Variants in KAZN observed in about 807,000 individuals in gnomAD.
KAZN encodes kazrin.
KAZN carries 40 observed loss-of-function variants against 87.4 expected under a neutral mutation model. The observed-to-expected ratio is 0.46, with a 90% confidence interval of 0.36 to 0.60. KAZN has a LOEUF of 0.60. KAZN is among the 20% of genes least tolerant of loss of function. The pLI is 0.00. For synonymous variants in KAZN, 466 were observed against 458.3 expected (o/e 1.02, Z -0.22); for missense variants, 898 against 1,073.9 (o/e 0.84, Z 2.29).
intron 2 of KAZN, among the ~76,000 whole-genome samples, chr1:14,521,704 C>A (rs746670610): frequency 2.0e-5 from 3 of 152,124 alleles, no homozygotes; most frequent in Non-Finnish European, 4.4e-5. Context: ...CTTGGGTTGC[C>A]CTCATCCTGT....
At chr1:14,715,875 C>T (rs551747389) in intron 1 of KAZN, among the ~76,000 whole-genome samples, 49 of 152,218 alleles carry the variant, frequency 3.2e-4, no homozygotes, top group Admixed American at 2.6e-4. Context: ...GACAAGGTTC[C>T]GGGCTCTTGT....
In KAZN at chr1:15,066,054, T is replaced by C; in HGVS notation, c.1222+301T>C. 1 of 1,217,654 alleles carries C rather than the reference T, an allele frequency of 8.2e-7. No individual in the cohort carries two copies. The highest frequency in any genetic ancestry group is 3.7e-5 in the South Asian group (1 of 26,776). The allele number at this position is 1,217,654 out of a possible 1,614,324, so 75.4% of individuals were successfully genotyped here. A position where few individuals can be genotyped will look rare whatever the true frequency, so the allele number is the denominator to read the frequency against. The stretch of plus-strand genomic sequence containing the variant: ...GAACCTGTCAACTCTCTGTCGTCTT[T>C]GGAGCGATACAGTTGTGTTGTTAAT... On this transcript the variant is annotated intron_variant, in intron 8 of 14. Coordinates refer to ENST00000376030, the MANE Select transcript of KAZN (RefSeq NM_201628.3). This position sits in a 1 kb window ranked among gnomAD's most constrained non-coding sequence, Gnocchi z 4.3.
chr1:14,876,302 G>C (rs1276506164), intron 1 of KAZN, among the ~76,000 whole-genome samples: 1 of 152,168 alleles, frequency 6.6e-6, no homozygotes, highest in South Asian at 2.1e-4. Flanking sequence ...TATTACATGC[G>C]CAAATGCAGC....
intron 1 of KAZN, among the ~76,000 whole-genome samples, chr1:14,128,788 G>A (rs1644928591): frequency 6.6e-6 from 1 of 152,120 alleles, no homozygotes; most frequent in Admixed American, 6.6e-5. Context: ...TCTTTGGAGA[G>A]CTGAGACTGG....
intron 2 of KAZN, among the ~76,000 whole-genome samples, chr1:14,441,349 A>G (rs1666692431): frequency 6.6e-6 from 1 of 152,068 alleles, no homozygotes; most frequent in Admixed American, 6.6e-5. Flanking sequence ...ACTTCCCAGT[A>G]TGTTGTTCCG....
At chr1:14,540,508 T>C (rs1672745917) in intron 2 of KAZN, among the ~76,000 whole-genome samples, 1 of 152,114 alleles carries the variant, frequency 6.6e-6, no homozygotes. Flanking sequence ...AGAAAAGATA[T>C]GCCCCATCCA....
At chr1:15,065,845 G>T (rs1323846034) in intron 8 of KAZN, 92 bp downstream of exon 8, 3 of 1,573,236 alleles carry the variant, frequency 1.9e-6, no homozygotes, top group Non-Finnish European at 2.6e-6. Context: ...TGTGCGTGTG[G>T]GCGTGTGTGC....
intron 2 of KAZN, among the ~76,000 whole-genome samples, chr1:14,428,264 G>A (rs6429660): frequency 0.58 from 87,743 of 151,936 alleles, 25,834 homozygotes; most frequent in African/African-American, 0.67. Context: ...AGAGAGGCCC[G>A]TGCTTTCAAT....
chr1:14,382,824 G>A (rs1033954909), intron 2 of KAZN, among the ~76,000 whole-genome samples: 1 of 151,640 alleles, frequency 6.6e-6, no homozygotes, highest in Non-Finnish European at 1.5e-5. Context: ...AGTCCTTTGG[G>A]TATATACCCA....
At chr1:15,057,633 A>G (rs1008307361) in intron 5 of KAZN, among the ~76,000 whole-genome samples, 1 of 152,136 alleles carries the variant, frequency 6.6e-6, no homozygotes, top group Non-Finnish European at 1.5e-5. Flanking sequence ...CTGGCCTTCA[A>G]AGCCTCAACT....
At chr1:14,535,459 A>T (rs1672443219) in intron 2 of KAZN, among the ~76,000 whole-genome samples, 1 of 152,178 alleles carries the variant, frequency 6.6e-6, no homozygotes, top group African/African-American at 2.4e-5. Context: ...CAAGGTCAGG[A>T]GATTGAGACC....
At chr1:14,299,014 G>A (rs1417421536) in intron 2 of KAZN, among the ~76,000 whole-genome samples, 1 of 152,120 alleles carries the variant, frequency 6.6e-6, no homozygotes, top group Non-Finnish European at 1.5e-5. Context: ...AGGTGGCGTG[G>A]CTATTGTTAA....
chr1:14,193,194 T>A (rs1400673607), intron 2 of KAZN, among the ~76,000 whole-genome samples: 2 of 152,176 alleles, frequency 1.3e-5, no homozygotes, highest in Non-Finnish European at 1.5e-5. Flanking sequence ...TCCTGAGGCC[T>A]CCCCAGCCAT....
chr1:14,944,307 T>A (rs1661486689), intron 1 of KAZN, among the ~76,000 whole-genome samples: 1 of 151,430 alleles, frequency 6.6e-6, no homozygotes, highest in Non-Finnish European at 1.5e-5. Context: ...CTGCTGAAAC[T>A]CTGTAAGTGA....
At chr1:14,113,700 C>G (rs569890939) in intron 1 of KAZN, among the ~76,000 whole-genome samples, 1 of 152,196 alleles carries the variant, frequency 6.6e-6, no homozygotes, top group Non-Finnish European at 1.5e-5. Flanking sequence ...TTCCTGACCA[C>G]GGTGCTGGGG....
intron 1 of KAZN, among the ~76,000 whole-genome samples, chr1:14,669,380 C>G (rs1639775863): frequency 6.6e-6 from 1 of 152,192 alleles, no homozygotes; most frequent in African/African-American, 2.4e-5. Context: ...AAGGAACTAT[C>G]TGACCCCAAA....
chr1:14,209,250 A>G (rs1336478547), intron 2 of KAZN, among the ~76,000 whole-genome samples: 3 of 152,224 alleles, frequency 2.0e-5, no homozygotes, highest in Non-Finnish European at 4.4e-5. Context: ...CATCAGCTCC[A>G]TTCCATTGAG....
intron 1 of KAZN, among the ~76,000 whole-genome samples, chr1:14,652,263 AGTT>A (rs1482009904): frequency 5.3e-5 from 8 of 152,136 alleles, no homozygotes; most frequent in Non-Finnish European, 7.4e-5. Context: ...ATCCCTGAAA[AGTT>A]GTGTGATATT....
rs1672072201 is a variant in KAZN at position 14,529,133 on chromosome 1, G to A, written c.250-69850G>A. On this transcript the variant is annotated intron_variant, in intron 2 of 16. Transcript: ENST00000636203. ...AGCATGACCAGCATGGTGAAACCCC[G>A]TCTCCACTAAAAATACAAAAATTAG... Among the ~76,000 whole-genome samples the A allele has an allele frequency of 2.0e-5, 3 of 152,026 alleles. No homozygotes were observed. The South Asian group carries it at 6.2e-4, about 32-fold the overall frequency.
Sources: gnomAD v4.1 joint callset for allele counts (sites outside exome capture counted in the v4.1 genomes callset) on GRCh38, gnomAD v4.1.1 for gene constraint, Gnocchi (gnomAD v3.1) non-coding constraint, MANE v1.5 for transcripts, NCBI Gene and HGNC (gene_info 2026-07-23, HGNC 2026-07-21) for gene names.